The following CDC5L variants were observed in gnomAD, a reference collection of about 807,000 sequenced individuals.
CDC5L encodes the protein cell division cycle 5-like protein.
A neutral mutation model predicts 104.1 loss-of-function variants in CDC5L; 18 were observed. The observed-to-expected ratio is 0.17, with a 90% confidence interval of 0.12 to 0.26. The LOEUF (loss-of-function observed/expected upper bound fraction) is 0.26. Among genes scored for constraint, CDC5L ranks in the 10% least tolerant of loss-of-function variants. The pLI is 1.00. For missense variants in CDC5L, 673 were observed against 956.9 expected (o/e 0.70, Z 3.91); for synonymous variants, 331 against 322.7 (o/e 1.03, Z -0.28).
intron 8 of CDC5L, among the ~76,000 whole-genome samples, chr6:44,418,294 A>G (rs979151787): frequency 3.3e-5 from 5 of 152,010 alleles, no homozygotes; most frequent in South Asian, 2.1e-4. Flanking sequence ...ATGGTTTCCA[A>G]TTTCATCCAT....
intron 14 of CDC5L, among the ~76,000 whole-genome samples, chr6:44,431,324 T>C (rs1792673002): frequency 6.6e-6 from 1 of 152,220 alleles, no homozygotes; most frequent in Admixed American, 6.5e-5. Context: ...GTGCTGTTGC[T>C]CTGTGTTGTG....
rs1430186965 is a variant in CDC5L, at chr6:44,393,427, C to T, written c.312-19C>T. The T allele has an allele frequency of 6.2e-7, 1 of 1,611,306 alleles. No individual in the cohort carries two copies. On this transcript the variant is annotated intron_variant, in intron 3 of 15. Coordinates refer to ENST00000371477, the MANE Select transcript of CDC5L (RefSeq NM_001253.4). ...AAATGGTACTGTAGTGTGACTAACTCCTATGGGCTTTTTTCTAGGGATAAA... is the reference window on the plus strand; with the variant it reads ...AAATGGTACTGTAGTGTGACTAACTTCTATGGGCTTTTTTCTAGGGATAAA...
intron 7 of CDC5L, 141 bp downstream of exon 7, chr6:44,406,608 A>T: frequency 1.3e-6 from 1 of 768,318 alleles, no homozygotes; most frequent in South Asian, 1.7e-5. Flanking sequence ...AGACACACAT[A>T]AAAACAAGTA....
chr6:44,415,151 A>C (rs1195465722), intron 8 of CDC5L, among the ~76,000 whole-genome samples: 1 of 152,236 alleles, frequency 6.6e-6, no homozygotes, highest in African/African-American at 2.4e-5. Context: ...ATCCTGTGCC[A>C]GTACCACACT....
At chr6:44,445,319 C>G (rs1311315401) in intron 14 of CDC5L, among the ~76,000 whole-genome samples, 1 of 151,914 alleles carries the variant, frequency 6.6e-6, no homozygotes, top group Non-Finnish European at 1.5e-5. Flanking sequence ...GCAGCTAGTC[C>G]CAAAATAAAT....
chr6:44,447,518 A>G lies in CDC5L; in HGVS notation c.*807A>G, dbSNP rs947391628. 1 of 152,232 alleles carries G rather than the reference A, an allele frequency of 6.6e-6. No individual in the cohort carries two copies. Among genetic ancestry groups the G allele is most frequent in the African/African-American group, 2.4e-5 (1 of 41,462 alleles). The allele number at this position is 152,232 out of a possible 1,614,324, so 9.4% of individuals were successfully genotyped here. On this transcript the variant is annotated 3_prime_UTR_variant, in exon 16 of 16. Coordinates refer to ENST00000371477, the MANE Select transcript of CDC5L (RefSeq NM_001253.4). ...TAGAGGTGGAGATATTTAATTTTATATAATTCATATAAATTGATTTAGTTA... is the reference window on the plus strand; with the variant it reads ...TAGAGGTGGAGATATTTAATTTTATGTAATTCATATAAATTGATTTAGTTA...
chr6:44,436,544 A>G (rs2153383313), intron 14 of CDC5L, among the ~76,000 whole-genome samples: 1 of 152,292 alleles, frequency 6.6e-6, no homozygotes, highest in East Asian at 1.9e-4. Flanking sequence ...TTTGTGGTGT[A>G]TGGTCTTGAG....
chr6:44,408,096 C>G (rs1017624607), intron 7 of CDC5L, among the ~76,000 whole-genome samples: 1 of 152,070 alleles, frequency 6.6e-6, no homozygotes, highest in African/African-American at 2.4e-5. Context: ...TGTGAATTTT[C>G]CCCTCACATT....
At chr6:44,442,388 T>C (rs1055588172) in intron 14 of CDC5L, among the ~76,000 whole-genome samples, 6 of 150,236 alleles carry the variant, frequency 4.0e-5, no homozygotes, top group African/African-American at 1.5e-4. Context: ...TGTGTGTGTG[T>C]GTGTGTGTGT....
intron 5 of CDC5L, among the ~76,000 whole-genome samples, chr6:44,401,811 C>A (rs569203405): frequency 2.0e-5 from 3 of 151,076 alleles, no homozygotes; most frequent in East Asian, 1.9e-4. Context: ...CCTCTCCCCC[C>A]ACCCCACAAC....
At chr6:44,419,747 A>C in intron 9 of CDC5L, 150 bp downstream of exon 9, 1 of 660,886 alleles carries the variant, frequency 1.5e-6, no homozygotes, top group East Asian at 2.7e-5. Context: ...AATAGTGTCC[A>C]GGAAATGGTT....
intron 8 of CDC5L, among the ~76,000 whole-genome samples, chr6:44,415,404 A>C (rs1175603279): frequency 6.6e-6 from 1 of 152,200 alleles, no homozygotes; most frequent in Non-Finnish European, 1.5e-5. Context: ...TTTAGCTGTA[A>C]CAGAAAACCT....
intron 1 of CDC5L, among the ~76,000 whole-genome samples, chr6:44,388,179 A>G (rs1347336736): frequency 1.0e-5 from 1 of 96,806 alleles, no homozygotes; most frequent in Non-Finnish European, 1.9e-5. Flanking sequence ...CCCGGGAAGA[A>G]CTCAGAGTTC....
At chr6:44,427,744 A>G (rs1309361858) in intron 13 of CDC5L, among the ~76,000 whole-genome samples, 1 of 152,180 alleles carries the variant, frequency 6.6e-6, no homozygotes, top group Non-Finnish European at 1.5e-5. Context: ...AGCACATTTA[A>G]TCATTGAACT....
In CDC5L at chr6:44,447,372, TTCTTA is replaced by T. The variant is rs1171490520; in HGVS notation, c.*663_*667del. The T allele has an allele frequency of 2.0e-5, 3 of 152,196 alleles. No individual in the cohort carries two copies. The East Asian group carries it at 5.8e-4, about 29-fold the overall frequency. 9.4% of individuals were successfully genotyped at this position (152,196 alleles called of 1,614,324 possible). On this transcript the variant is annotated 3_prime_UTR_variant, in exon 16 of 16. Transcript: ENST00000371477. ...GATTTAACTTCCTTGCCCCATTATT[TTCTTA>T]TAAGTATTTTTTGACAAAGGCATTT...
Position 44,414,427 on chromosome 6 carries a change from TGTGTA to T in CDC5L, c.1093-5021_1093-5017del, listed in dbSNP as rs1468514582. Among the ~76,000 whole-genome samples, 38 of 148,792 alleles carry T rather than the reference TGTGTA, an allele frequency of 2.6e-4. 1 individual carries two copies. The highest frequency in any genetic ancestry group is 8.0e-4 in the African/African-American group (32 of 40,160). On this transcript the variant is annotated intron_variant, in intron 8 of 15. Coordinates refer to ENST00000371477, the MANE Select transcript of CDC5L (RefSeq NM_001253.4). ...GTGTGTGTGTGTGTGTGTGTGTGTGTGTGTATTTTTTTTTAGAAATAGCTATTCAT... is the reference window on the plus strand; with the variant it reads ...GTGTGTGTGTGTGTGTGTGTGTGTGTTTTTTTTTTAGAAATAGCTATTCAT...
intron 7 of CDC5L, among the ~76,000 whole-genome samples, chr6:44,406,678 G>A (rs1791377172): frequency 6.6e-6 from 1 of 152,146 alleles, no homozygotes; most frequent in Admixed American, 6.5e-5. Context: ...AGACCAGGAC[G>A]GGCGGATCAC....
chr6:44,424,650 A>G (rs1792338900), intron 11 of CDC5L, 67 bp downstream of exon 11: 1 of 1,492,258 alleles, frequency 6.7e-7, no homozygotes, highest in South Asian at 1.2e-5. Context: ...AGAATGAAGA[A>G]TAGCCATTAA....
intron 4 of CDC5L, among the ~76,000 whole-genome samples, chr6:44,395,687 G>T (rs1284920134): frequency 6.6e-6 from 1 of 152,208 alleles, no homozygotes; most frequent in African/African-American, 2.4e-5. Context: ...TATATACTGA[G>T]TCAGTACATC....
Sources: gnomAD v4.1 joint callset for allele counts (sites outside exome capture counted in the v4.1 genomes callset) on GRCh38, gnomAD v4.1.1 for gene constraint, MANE v1.5 for transcripts, NCBI Gene and HGNC (gene_info 2026-07-23, HGNC 2026-07-21) for gene names.